EXOC4: variants seen among roughly 807,000 people sequenced by gnomAD.
The protein encoded by EXOC4 is SEC8-like 1.
EXOC4 carries 71 observed loss-of-function variants against 107.2 expected under a neutral mutation model. The ratio of observed to expected loss-of-function variants is 0.66; its 90% CI spans 0.55 to 0.81. The LOEUF is 0.81. Ranked by LOEUF, EXOC4 falls within the 30% of genes least tolerant of loss-of-function variation. The pLI, the probability that EXOC4 is intolerant of heterozygous loss-of-function variation, is 0.00. For missense variants in EXOC4, 1,108 were observed against 1,189.6 expected, an observed-to-expected ratio of 0.93 and a Z score of 1.01; for synonymous variants, 456 against 441.2, an observed-to-expected ratio of 1.03 and a Z score of -0.42.
intron 9 of EXOC4, among the ~76,000 whole-genome samples, chr7:133,554,513 C>T (rs1800655318): frequency 6.6e-6 from 1 of 152,114 alleles, no homozygotes; most frequent in South Asian, 2.1e-4. Context: ...TTTCAAAATG[C>T]TACTAAATTG....
chr7:133,602,649 G>T (rs1322811905), intron 9 of EXOC4, among the ~76,000 whole-genome samples: 1 of 152,212 alleles, frequency 6.6e-6, no homozygotes, highest in African/African-American at 2.4e-5. Context: ...AAACAAAGCT[G>T]CCATGATGAG....
chr7:133,885,270 C>T (rs576714219), intron 11 of EXOC4, among the ~76,000 whole-genome samples: 51 of 150,536 alleles, frequency 3.4e-4, no homozygotes, highest in South Asian at 3.4e-3. Context: ...GCCAAGATCG[C>T]GCTGCTGCAC....
intron 13 of EXOC4, among the ~76,000 whole-genome samples, chr7:133,920,577 G>A (rs926124750): frequency 6.6e-6 from 1 of 152,140 alleles, no homozygotes; most frequent in Non-Finnish European, 1.5e-5. Context: ...TTATAACAGA[G>A]TATTCCCAAT....
intron 11 of EXOC4, among the ~76,000 whole-genome samples, chr7:133,848,008 G>A (rs956566303): frequency 1.1e-4 from 17 of 151,268 alleles, no homozygotes; most frequent in Non-Finnish European, 1.5e-5. Context: ...GGGATTACAG[G>A]CATGAGCCAC....
chr7:133,321,479 C>G (rs1175917367), intron 5 of EXOC4, among the ~76,000 whole-genome samples: 2 of 152,090 alleles, frequency 1.3e-5, no homozygotes, highest in Non-Finnish European at 2.9e-5. Context: ...TCCATATGTT[C>G]TCATTGTTCA....
chr7:133,659,402 TAC>T (rs1803381882), intron 10 of EXOC4, among the ~76,000 whole-genome samples: 1 of 152,174 alleles, frequency 6.6e-6, no homozygotes, highest in East Asian at 1.9e-4. Flanking sequence ...AGCAAATATA[TAC>T]TAAGGATGCT....
chr7:133,445,239 T>C (rs1428096523), intron 7 of EXOC4, among the ~76,000 whole-genome samples: 2 of 152,216 alleles, frequency 1.3e-5, no homozygotes, highest in Non-Finnish European at 2.9e-5. Flanking sequence ...TCTTCAGATT[T>C]ATTAAGAGTC....
At chr7:133,993,262 C>A (rs1463561031) in intron 14 of EXOC4, among the ~76,000 whole-genome samples, 1 of 151,992 alleles carries the variant, frequency 6.6e-6, no homozygotes, top group Admixed American at 6.5e-5. Flanking sequence ...ACAATATGTT[C>A]TTTTGTTTTC....
At chr7:133,735,641 T>TC (rs1795429044) in intron 10 of EXOC4, among the ~76,000 whole-genome samples, 1 of 152,170 alleles carries the variant, frequency 6.6e-6, no homozygotes, top group South Asian at 2.1e-4. Flanking sequence ...TCTCTTCTCT[T>TC]CTTTTTTCAC....
chr7:134,027,005 T>A (rs190672824), intron 17 of EXOC4, among the ~76,000 whole-genome samples: 2 of 152,322 alleles, frequency 1.3e-5, no homozygotes, highest in Admixed American at 6.5e-5. Context: ...AGATTTTTTT[T>A]AACCTGTATA....
Position 133,460,558 on chromosome 7 carries a change from T to C in EXOC4, c.1183-14770T>C, listed in dbSNP as rs570632829. Among the ~76,000 whole-genome samples, 6 of 152,278 alleles carry C rather than the reference T, an allele frequency of 3.9e-5. No homozygotes were observed. The East Asian group carries it at 1.2e-3, about 29-fold the overall frequency. On this transcript the variant is annotated intron_variant, in intron 7 of 17. Coordinates refer to ENST00000253861, the MANE Select transcript of EXOC4 (RefSeq NM_021807.4). ...ATTCAGTATAAGTAATGTATAATAATCAAATACCTATTGTAGATGTGGAAA... is the reference window on the plus strand; with the variant it reads ...ATTCAGTATAAGTAATGTATAATAACCAAATACCTATTGTAGATGTGGAAA...
chr7:134,067,565 T>G (rs138658373), downstream of EXOC4, among the ~76,000 whole-genome samples: 8 of 151,856 alleles, frequency 5.3e-5, no homozygotes, highest in African/African-American at 1.9e-4. Flanking sequence ...TCTTTCAAGT[T>G]AGCCTTCGTT....
At chr7:133,297,163 T>C (rs1317351171) in intron 3 of EXOC4, among the ~76,000 whole-genome samples, 1 of 152,236 alleles carries the variant, frequency 6.6e-6, no homozygotes, top group African/African-American at 2.4e-5. Context: ...TATTGTAGTT[T>C]TGGGATACAG....
intron 10 of EXOC4, among the ~76,000 whole-genome samples, chr7:133,754,808 T>G (rs1017445541): frequency 6.6e-6 from 1 of 152,218 alleles, no homozygotes; most frequent in Non-Finnish European, 1.5e-5. Flanking sequence ...GTATTACTTC[T>G]AAGATGTGGT....
chr7:133,340,140 G>T (rs936685968), intron 5 of EXOC4, among the ~76,000 whole-genome samples: 1 of 152,210 alleles, frequency 6.6e-6, no homozygotes. Flanking sequence ...TATGTTGGCT[G>T]TGGGTTTGTC....
chr7:133,464,027 C>T (rs1481085158), intron 7 of EXOC4, among the ~76,000 whole-genome samples: 1 of 152,074 alleles, frequency 6.6e-6, no homozygotes, highest in Non-Finnish European at 1.5e-5. Context: ...GAGGTAATAT[C>T]ATAGATATAT....
At chr7:133,756,660 C>T (rs1795924175) in intron 10 of EXOC4, among the ~76,000 whole-genome samples, 1 of 152,202 alleles carries the variant, frequency 6.6e-6, no homozygotes, top group South Asian at 2.1e-4. Flanking sequence ...ATCTTTTGCC[C>T]TAAGCACAGG....
At chr7:133,357,092 G>A (rs924285104) in intron 6 of EXOC4, among the ~76,000 whole-genome samples, 1 of 152,132 alleles carries the variant, frequency 6.6e-6, no homozygotes, top group East Asian at 1.9e-4. Context: ...AAAGCATATT[G>A]TCACTCAATG....
chr7:133,690,848 TG>T (rs1234153707), intron 10 of EXOC4, among the ~76,000 whole-genome samples: 3 of 151,986 alleles, frequency 2.0e-5, no homozygotes, highest in Non-Finnish European at 4.4e-5. Context: ...ACTAGGAATA[TG>T]GGGGAAACTA....
Sources: gnomAD v4.1 joint callset for allele counts (sites outside exome capture counted in the v4.1 genomes callset) on GRCh38, gnomAD v4.1.1 for gene constraint, MANE v1.5 for transcripts, NCBI Gene and HGNC (gene_info 2026-07-23, HGNC 2026-07-21) for gene names.